SUPT20H: variants seen among roughly 807,000 people sequenced by gnomAD.
The protein encoded by SUPT20H is transcription factor SPT20 homolog.
In SUPT20H, 82 loss-of-function variants were observed where a neutral mutation model predicts 122.8. The observed-to-expected ratio is 0.67, with a 90% confidence interval of 0.56 to 0.80. SUPT20H has a LOEUF of 0.80. Among genes scored for constraint, SUPT20H ranks in the 30% least tolerant of loss-of-function variants. The pLI, the probability that SUPT20H is intolerant of heterozygous loss-of-function variation, is 0.00. For missense variants in SUPT20H, 831 were observed against 921.6 expected, an observed-to-expected ratio of 0.90 and a Z score of 1.27; for synonymous variants, 291 against 313.0, an observed-to-expected ratio of 0.93 and a Z score of 0.74.
At position 37,047,930 on chromosome 13, in the gene SUPT20H, T is replaced by C; in HGVS notation, c.46A>G (p.Ile16Val). ...GGAGGTCTCTGTCGGGCACTTTCAA[T>C]GACATACTAAAAAACAAAAGTTTAT... ...ELALDRAEYV[I>V]ESARQRPPKR... The change falls in exon 4 of 26, where the codon ATT becomes GTT. Residue 16 changes from isoleucine (I) to valine (V), a missense_variant. Transcript: ENST00000350612. The C allele has an allele frequency of 6.2e-7, 1 of 1,603,298 alleles. No individual in the cohort carries two copies. The highest frequency in any genetic ancestry group is 8.5e-7 in the Non-Finnish European group (1 of 1,174,934).
chr13:37,034,727 T>C (rs950236122), intron 9 of SUPT20H, among the ~76,000 whole-genome samples: 7 of 152,238 alleles, frequency 4.6e-5, no homozygotes, highest in Non-Finnish European at 1.0e-4. Context: ...GAATATGCCA[T>C]CCAGAACTTT....
Position 37,012,190 on chromosome 13 carries a change from A to G in SUPT20H, c.2098+2T>C, listed in dbSNP as rs1233696512. ...AGCATATAAAGTTATGAAGATACCT[A>G]CCAGCTGCCTGTGACTGCATAAAAC... On this transcript the variant is annotated splice_donor_variant, in intron 24 of 25. Coordinates refer to ENST00000350612, the MANE Select transcript of SUPT20H (RefSeq NM_001014286.3). LOFTEE classifies it high-confidence loss of function. The G allele has an allele frequency of 6.2e-7, 1 of 1,610,452 alleles. No homozygotes were observed. Among genetic ancestry groups the G allele is most frequent in the South Asian group, 1.1e-5 (1 of 90,914 alleles).
Position 37,047,721 on chromosome 13 carries a change from G to C in SUPT20H, c.99-120C>G, listed in dbSNP as rs1263877066. 7 of 1,205,250 alleles carry C rather than the reference G, an allele frequency of 5.8e-6. No homozygotes were observed. In the South Asian group the frequency reaches 7.6e-5, roughly 13 times the overall value. 74.7% of individuals were successfully genotyped at this position (1,205,250 alleles called of 1,614,324 possible). A position where few individuals can be genotyped will look rare whatever the true frequency, so the allele number is the denominator to read the frequency against. ...TTGCCTCAATTTCCCAAAAACTGGG[G>C]TGGAGCTGAATATAGTAGCTAACAT... is the stretch of plus-strand genomic sequence containing the variant. On this transcript the variant is annotated intron_variant, in intron 4 of 25. Transcript: ENST00000350612.
chr13:37,022,346 A>T lies in SUPT20H; in HGVS notation c.1592-266T>A. On this transcript the variant is annotated intron_variant, in intron 19 of 25. Transcript: ENST00000350612. The surrounding 1 kb of genome is among the most constrained non-coding windows in gnomAD (Gnocchi z 4.5). ...CTCATTGAGAAAAATAAAAATTGCT[A>T]GTTTGTTATAAATGGCCAGTCCTTT... 5 of 1,352,132 alleles carry T rather than the reference A, an allele frequency of 3.7e-6. No individual in the cohort carries two copies. Among genetic ancestry groups the T allele is most frequent in the South Asian group, 2.1e-5 (1 of 48,680 alleles). The allele number at this position is 1,352,132 out of a possible 1,614,324, so 83.8% of individuals were successfully genotyped here.
At chr13:37,014,135 A>G (rs2060041894) in intron 23 of SUPT20H, among the ~76,000 whole-genome samples, 1 of 152,150 alleles carries the variant, frequency 6.6e-6, no homozygotes, top group African/African-American at 2.4e-5. Flanking sequence ...GCTAACGTTA[A>G]TCAAAAGAAA....
At chr13:37,039,779 T>C (rs888427406) in intron 9 of SUPT20H, 5 of 152,174 alleles carry the variant, frequency 3.3e-5, no homozygotes, top group African/African-American at 9.7e-5. Context: ...TGCATTGATA[T>C]GGTTCAGTTC....
Position 37,047,955 on chromosome 13 carries a change from T to C in SUPT20H, c.40-19A>G. Reference sequence around the variant, plus strand: ...TGACATACTAAAAAACAAAAGTTTATGAGAACAGCTTGCTTTTTGCTTTTG... The same window carrying C: ...TGACATACTAAAAAACAAAAGTTTACGAGAACAGCTTGCTTTTTGCTTTTG... On this transcript the variant is annotated intron_variant, in intron 3 of 25. Transcript: ENST00000350612. 1.3e-6 allele frequency: 2 copies of C among 1,593,158 alleles called. No homozygotes were observed. The highest frequency in any genetic ancestry group is 1.7e-6 in the Non-Finnish European group (2 of 1,169,542).
intron 17 of SUPT20H, chr13:37,025,084 GGTGT>G (rs2062016533): frequency 2.5e-6 from 1 of 399,378 alleles, no homozygotes. Context: ...TGGGATTACA[GGTGT>G]GTGCCACCAT....
intron 24 of SUPT20H, among the ~76,000 whole-genome samples, chr13:37,011,514 C>T (rs983189127): frequency 8.5e-5 from 13 of 152,266 alleles, no homozygotes; most frequent in Admixed American, 7.2e-4. Flanking sequence ...GTCACTCATT[C>T]AATCCTCAAA....
intron 14 of SUPT20H, 30 bp from the exon 15 acceptor site, chr13:37,026,846 G>C: frequency 7.2e-6 from 10 of 1,391,612 alleles, no homozygotes; most frequent in Non-Finnish European, 9.5e-6. Flanking sequence ...AAAAAGCTTA[G>C]TTAATGCAGC....
intron 1 of SUPT20H, among the ~76,000 whole-genome samples, chr13:37,055,376 G>C (rs1283634295): frequency 6.6e-6 from 1 of 152,062 alleles, no homozygotes; most frequent in Non-Finnish European, 1.5e-5. Context: ...ATACTACAAG[G>C]CTACATTAAC....
At position 37,047,935 on chromosome 13, in the gene SUPT20H, T is replaced by A; in HGVS notation, c.41A>T (p.Tyr14Phe). ...ALELALDRAE[Y>F]VIESARQRPP... ...TCTCTGTCGGGCACTTTCAATGACA[T>A]ACTAAAAAACAAAAGTTTATGAGAA... Residue 14 changes from tyrosine to phenylalanine, a missense_variant and splice_region_variant, in exon 4 of 26, where the codon TAT becomes TTT. Physicochemically the swap from Tyr to Phe is conservative, Grantham distance 22. Transcript: ENST00000350612. 6.2e-7 allele frequency: 1 copy of A among 1,601,512 alleles called. No homozygotes were observed. The highest frequency in any genetic ancestry group is 8.5e-7 in the Non-Finnish European group (1 of 1,173,974).
chr13:37,045,380 T>C lies in SUPT20H; in HGVS notation c.166-7A>G, dbSNP rs2066235807. On this transcript the variant is annotated splice_polypyrimidine_tract_variant and splice_region_variant and intron_variant, in intron 5 of 25. Transcript: ENST00000350612. ...TCACATTTCTTCTTAATTTCTGCTT[T>C]AAAAAGAGGCAGAGCTCATGAAAAT... 2.5e-6 allele frequency: 4 copies of C among 1,612,776 alleles called. No homozygotes were observed. Among genetic ancestry groups the C allele is most frequent in the Non-Finnish European group, 3.4e-6 (4 of 1,179,408 alleles).
At chr13:37,038,130 T>A (rs1275374056) in intron 9 of SUPT20H, 1 of 152,088 alleles carries the variant, frequency 6.6e-6, no homozygotes, top group Non-Finnish European at 1.5e-5. Flanking sequence ...AATAATTGAC[T>A]GTCTCATCTT....
chr13:37,047,421 TA>T (rs1278001954), intron 5 of SUPT20H, 113 bp downstream of exon 5: 3 of 1,187,814 alleles, frequency 2.5e-6, no homozygotes, highest in Non-Finnish European at 3.3e-6. Flanking sequence ...AGGGTCAGGT[TA>T]AAAAAGATGT....
At chr13:37,040,309 T>C (rs1269724750) in intron 9 of SUPT20H, 96 bp downstream of exon 9, 14 of 1,104,314 alleles carry the variant, frequency 1.3e-5, no homozygotes, top group Non-Finnish European at 1.8e-5. Flanking sequence ...AACTTAATTA[T>C]TGAATAAAAA....
chr13:37,028,396 A>G (rs1317677130), intron 13 of SUPT20H, 91 bp from the exon 14 acceptor site: 8 of 1,182,610 alleles, frequency 6.8e-6, no homozygotes, highest in Non-Finnish European at 9.5e-6. Flanking sequence ...ATACAGTAAC[A>G]TGTATCTGAC....
At chr13:37,053,753 C>T (rs904572466) in intron 1 of SUPT20H, among the ~76,000 whole-genome samples, 2 of 150,394 alleles carry the variant, frequency 1.3e-5, no homozygotes, top group Admixed American at 6.6e-5. Flanking sequence ...AAAAACAAAA[C>T]GAAACCTCAC....
chr13:37,018,778 T>G lies in SUPT20H; in HGVS notation c.1872+564A>C, dbSNP rs2060968161. On this transcript the variant is annotated intron_variant, in intron 22 of 25. Transcript: ENST00000350612. ...CTCAAGTGATCCTCCGACCTCAGCC[T>G]CTTGAGTAGCAGGGATTACAGGTGC... Among the ~76,000 whole-genome samples the G allele has an allele frequency of 2.0e-5, 3 of 152,126 alleles. 1 individual carries two copies. The highest frequency in any genetic ancestry group is 7.2e-5 in the African/African-American group (3 of 41,418).
Sources: allele counts gnomAD v4.1 joint callset (sites outside exome capture counted in the v4.1 genomes callset), GRCh38; gene constraint gnomAD v4.1.1; non-coding constraint Gnocchi (gnomAD v3.1); transcripts MANE v1.5; gene names NCBI Gene and HGNC (gene_info 2026-07-23, HGNC 2026-07-21).